The following ZNF407 variants were observed in gnomAD, a reference collection of about 807,000 sequenced individuals.
ZNF407 encodes the protein zinc finger protein 407.
Under a neutral mutation model 131.2 loss-of-function variants are expected in ZNF407, and 17 were observed. That is an observed-to-expected ratio of 0.13 (90% confidence interval 0.09 to 0.19). ZNF407 has a LOEUF of 0.19. Among genes scored for constraint, ZNF407 ranks in the 10% least tolerant of loss-of-function variants. The probability of loss-of-function intolerance (pLI) is 1.00; values close to 1 mark genes in which losing one functional copy is unlikely to be tolerated. For missense variants in ZNF407, 2,681 were observed against 2,830.6 expected, an observed-to-expected ratio of 0.95 and a Z score of 1.20; for synonymous variants, 1,156 against 1,062.0, an observed-to-expected ratio of 1.09 and a Z score of -1.72.
At chr18:75,020,250 A>T (rs1316238443) in intron 8 of ZNF407, among the ~76,000 whole-genome samples, 2 of 151,880 alleles carry the variant, frequency 1.3e-5, no homozygotes, top group African/African-American at 4.8e-5. Context: ...TATAGTGTGT[A>T]TGTGTATGTA....
At chr18:74,630,938 A>G in intron 1 of ZNF407, 29 bp from the exon 2 acceptor site, 9 of 1,460,218 alleles carry the variant, frequency 6.2e-6, no homozygotes, top group Non-Finnish European at 8.1e-6. Flanking sequence ...TATATTCAAG[A>G]TTTAATACCA....
At chr18:74,853,886 A>G (rs998255101) in intron 4 of ZNF407, among the ~76,000 whole-genome samples, 9 of 152,190 alleles carry the variant, frequency 5.9e-5, no homozygotes, top group African/African-American at 1.4e-4. Context: ...AGCGGGGCTT[A>G]GATTATGTCA....
In ZNF407 at chr18:75,049,101, G is replaced by T. The variant is rs868480813; in HGVS notation, c.5429-14049G>T. On this transcript the variant is annotated intron_variant, in intron 8 of 8. Transcript: ENST00000299687. ...GGCCGGTAGTATTTTTTTTTTTTGG[G>T]TGGGGGGGGGGTGGGGGAGTTGTTC... Among the ~76,000 whole-genome samples, 729 of 138,034 alleles carry T rather than the reference G, an allele frequency of 5.3e-3. 17 individuals are homozygous for T. The highest frequency in any genetic ancestry group is 0.018 in the African/African-American group (619 of 34,506). The allele number at this position is 138,034 out of a possible 152,430, so 90.6% of individuals were successfully genotyped here.
chr18:74,984,579 G>A (rs1972630818), intron 8 of ZNF407, among the ~76,000 whole-genome samples: 1 of 152,082 alleles, frequency 6.6e-6, no homozygotes, highest in Admixed American at 6.6e-5. Flanking sequence ...TTAACTTTGT[G>A]TTACCTGCTC....
chr18:75,002,662 G>A lies in ZNF407; in HGVS notation c.5429-60488G>A, dbSNP rs1292540051. On this transcript the variant is annotated intron_variant, in intron 8 of 8. Transcript: ENST00000299687. Reference sequence around the variant, plus strand: ...CTAAAAAAATACAAAAAAATTAACCGGGCGTGGTGACGGGCGCCTGTAGTC... The same window carrying A: ...CTAAAAAAATACAAAAAAATTAACCAGGCGTGGTGACGGGCGCCTGTAGTC... 1.8e-4 allele frequency among the ~76,000 whole-genome samples: 28 copies of A among 152,042 alleles called. 1 individual carries two copies. Among genetic ancestry groups the A allele is most frequent in the Admixed American group, 1.5e-3 (23 of 15,270 alleles).
intron 6 of ZNF407, among the ~76,000 whole-genome samples, chr18:74,889,300 A>C (rs1170111754): frequency 6.6e-6 from 1 of 151,948 alleles, no homozygotes; most frequent in Non-Finnish European, 1.5e-5. Flanking sequence ...CTGTCTATTT[A>C]CCTATGTCTG....
intron 3 of ZNF407, among the ~76,000 whole-genome samples, chr18:74,683,878 C>A (rs1384348155): frequency 6.6e-6 from 1 of 152,130 alleles, no homozygotes; most frequent in Admixed American, 6.5e-5. Context: ...TTGAGGAATT[C>A]TTTTCCAGAG....
chr18:74,979,834 A>G (rs886896655), intron 8 of ZNF407, among the ~76,000 whole-genome samples: 3 of 152,202 alleles, frequency 2.0e-5, no homozygotes, highest in Non-Finnish European at 4.4e-5. Flanking sequence ...GTGATGGTTT[A>G]TTCCTAGTTT....
intron 7 of ZNF407, among the ~76,000 whole-genome samples, chr18:74,902,309 G>T (rs1166567302): frequency 6.6e-6 from 1 of 152,218 alleles, no homozygotes; most frequent in Non-Finnish European, 1.5e-5. Context: ...GCGCACAGCA[G>T]TTATTCAAGT....
chr18:74,744,527 A>G (rs1239818320), intron 3 of ZNF407, among the ~76,000 whole-genome samples: 1 of 152,170 alleles, frequency 6.6e-6, no homozygotes. Context: ...TAATTTTTAA[A>G]TAAAGGAAAC....
chr18:74,707,705 T>C (rs1028398650), intron 3 of ZNF407, among the ~76,000 whole-genome samples: 1 of 152,250 alleles, frequency 6.6e-6, no homozygotes, highest in Non-Finnish European at 1.5e-5. Context: ...ATTAGTCTTA[T>C]ACTTTAAGCA....
intron 7 of ZNF407, chr18:74,905,781 T>C (rs897955009): frequency 4.6e-5 from 7 of 152,216 alleles, no homozygotes; most frequent in Admixed American, 1.3e-4. Flanking sequence ...ATTCAATAAA[T>C]AGCTACCAGT....
intron 4 of ZNF407, among the ~76,000 whole-genome samples, chr18:74,865,609 A>G (rs1444067624): frequency 6.6e-6 from 1 of 152,168 alleles, no homozygotes; most frequent in Non-Finnish European, 1.5e-5. Flanking sequence ...GTTATTCCAC[A>G]TGGCCTTTTG....
chr18:74,833,727 C>T (rs548626682), intron 4 of ZNF407, among the ~76,000 whole-genome samples: 12 of 152,076 alleles, frequency 7.9e-5, no homozygotes, highest in South Asian at 4.2e-4. Context: ...TCTTGTTTAT[C>T]GTTTGAAAGT....
intron 7 of ZNF407, among the ~76,000 whole-genome samples, chr18:74,917,370 TA>T (rs113814992): frequency 4.3e-4 from 66 of 152,332 alleles, no homozygotes; most frequent in African/African-American, 1.4e-3. Context: ...ACGGTGTGTA[TA>T]TATACATCCT....
intron 8 of ZNF407, 45 bp downstream of exon 8, chr18:74,920,737 T>C (rs1345361417): frequency 6.4e-7 from 1 of 1,563,594 alleles, no homozygotes; most frequent in African/African-American, 1.3e-5. Flanking sequence ...CAGGATTTCA[T>C]GTGATCACAG....
At chr18:74,709,483 AT>A (rs1424287015) in intron 3 of ZNF407, among the ~76,000 whole-genome samples, 2 of 152,226 alleles carry the variant, frequency 1.3e-5, no homozygotes, top group Non-Finnish European at 2.9e-5. Context: ...CATAATATTG[AT>A]AATGTATTAA....
At chr18:74,672,499 G>T (rs1295490675) in intron 3 of ZNF407, among the ~76,000 whole-genome samples, 1 of 103,892 alleles carries the variant, frequency 9.6e-6, no homozygotes, top group Non-Finnish European at 2.2e-5. Context: ...GTTCGTTGGA[G>T]CACTGTGTCT....
intron 8 of ZNF407, among the ~76,000 whole-genome samples, chr18:74,959,670 A>T (rs897026772): frequency 1.3e-5 from 2 of 152,244 alleles, no homozygotes; most frequent in African/African-American, 4.8e-5. Flanking sequence ...AGATCTTCCC[A>T]GCACACTTCT....
Sources: allele counts gnomAD v4.1 joint callset (sites outside exome capture counted in the v4.1 genomes callset), GRCh38; gene constraint gnomAD v4.1.1; transcripts MANE v1.5; gene names NCBI Gene and HGNC (gene_info 2026-07-23, HGNC 2026-07-21).